The following GIT2 variants were observed in gnomAD, a reference collection of about 807,000 sequenced individuals.
GIT2 encodes ARF GTPase-activating protein GIT2.
In GIT2, 32 loss-of-function variants were observed where a neutral mutation model predicts 100.3. The observed-to-expected ratio is 0.32, with a 90% CI of 0.24 to 0.43. GIT2 has a LOEUF of 0.43. Among genes scored for constraint, GIT2 ranks in the 20% least tolerant of loss-of-function variants. The pLI, the probability that GIT2 is intolerant of heterozygous loss-of-function variation, is 1.00. For missense variants in GIT2, 737 were observed against 975.1 expected (o/e 0.76, Z 3.25); for synonymous variants, 353 against 364.1 (o/e 0.97, Z 0.35).
intron 9 of GIT2, among the ~76,000 whole-genome samples, chr12:109,964,550 T>C (rs1293915065): frequency 6.6e-6 from 1 of 151,024 alleles, no homozygotes; most frequent in Non-Finnish European, 1.5e-5. Flanking sequence ...GCAAACGCTG[T>C]AGGCAAAGCA....
intron 13 of GIT2, 150 bp downstream of exon 13, chr12:109,952,942 A>G: frequency 1.5e-6 from 1 of 680,484 alleles, no homozygotes; most frequent in Non-Finnish European, 2.5e-6. Flanking sequence ...ATGCAGGGAC[A>G]AGGATCCCTA....
rs1887903776 is a variant in GIT2, at chr12:109,988,987, A to G, written c.381T>C (p.Ser127=). The G allele has an allele frequency of 1.2e-6, 2 of 1,607,402 alleles. No homozygotes were observed. The highest frequency in any genetic ancestry group is 1.7e-6 in the Non-Finnish European group (2 of 1,173,966). Residue 127 remains serine, a synonymous_variant, in exon 4 of 20, where the codon AGT becomes AGC. Coordinates refer to ENST00000355312, the MANE Select transcript of GIT2 (RefSeq NM_057169.5). ...CCTTGCTAAGATCTTTGGCAGTCAC[A>G]CTATCGTCATCCCGGCAGGGCAAGC... is the stretch of plus-strand genomic sequence containing the variant. The part of the protein sequence containing the change: ...VHRLPCRDDD[S]VTAKDLSKQL...
chr12:109,966,028 C>A (rs910766122), intron 8 of GIT2, among the ~76,000 whole-genome samples: 2 of 141,826 alleles, frequency 1.4e-5, no homozygotes, highest in Non-Finnish European at 3.0e-5. Context: ...TGGAGTCTCA[C>A]TCTGTCACCC....
intron 2 of GIT2, among the ~76,000 whole-genome samples, chr12:109,991,309 CAA>C (rs748628189): frequency 3.9e-5 from 3 of 76,546 alleles, no homozygotes; most frequent in Non-Finnish European, 2.8e-5. Flanking sequence ...GAGTCCGTCT[CAA>C]AAAAAAAAAA....
intron 16 of GIT2, 103 bp from the exon 17 acceptor site, chr12:109,939,350 C>CA (rs1378353551): frequency 2.8e-6 from 2 of 720,636 alleles, no homozygotes; most frequent in Non-Finnish European, 5.1e-6. Flanking sequence ...CTTCACATCC[C>CA]AAATCTCATT....
At chr12:109,969,144 C>G (rs979854034) in intron 7 of GIT2, among the ~76,000 whole-genome samples, 1 of 144,708 alleles carries the variant, frequency 6.9e-6, no homozygotes, top group Non-Finnish European at 1.5e-5. Flanking sequence ...AACTAGTTTT[C>G]TCAGAACAAA....
intron 15 of GIT2, among the ~76,000 whole-genome samples, chr12:109,945,880 A>G (rs1185590066): frequency 6.6e-6 from 1 of 152,164 alleles, no homozygotes; most frequent in Admixed American, 6.5e-5. Context: ...CACACCTGTA[A>G]TCCTAGCACT....
Position 109,981,042 on chromosome 12 carries a change from C to T in GIT2, c.628G>A (p.Gly210Arg). The part of the protein sequence containing the change: ...GKTPVDYARQ[G>R]GHHELAERLV... Reference sequence around the variant, plus strand: ...CGCTCTGCCAGCTCATGGTGCCCTCCTTGCCTACCAAGAGAAAACAAAGTA... The same window carrying T: ...CGCTCTGCCAGCTCATGGTGCCCTCTTTGCCTACCAAGAGAAAACAAAGTA... Residue 210 changes from glycine to arginine, a missense_variant, in exon 7 of 20, where the codon GGA becomes AGA. By Grantham distance (125) the Gly-to-Arg change is moderately radical. Around this residue, in one of 3 missense-constraint regions of GIT2, gnomAD observed 266 missense variants for 376.2 expected, o/e 0.71. Coordinates refer to ENST00000355312, the MANE Select transcript of GIT2 (RefSeq NM_057169.5). 1 of 1,604,090 alleles carries T rather than the reference C, an allele frequency of 6.2e-7. No individual in the cohort carries two copies. The highest frequency in any genetic ancestry group is 8.5e-7 in the Non-Finnish European group (1 of 1,170,822).
At chr12:109,971,816 A>G (rs1883940174) in intron 7 of GIT2, among the ~76,000 whole-genome samples, 1 of 151,668 alleles carries the variant, frequency 6.6e-6, no homozygotes, top group Non-Finnish European at 1.5e-5. Context: ...AACATGGCGA[A>G]ACCCTGTCTC....
chr12:109,993,662 A>G (rs1301568803), intron 1 of GIT2, among the ~76,000 whole-genome samples: 1 of 152,208 alleles, frequency 6.6e-6, no homozygotes, highest in Non-Finnish European at 1.5e-5. Context: ...GTTAGTTGTT[A>G]TATCTTTTCT....
chr12:109,996,875 G>C (rs1266792321), upstream of GIT2, among the ~76,000 whole-genome samples: 1 of 151,812 alleles, frequency 6.6e-6, no homozygotes, highest in African/African-American at 2.4e-5. Context: ...GCAGGAGTTC[G>C]AGACCAGCCT....
intron 6 of GIT2, 84 bp from the exon 7 acceptor site, chr12:109,981,130 C>A: frequency 1.1e-6 from 1 of 873,848 alleles, no homozygotes. Context: ...TCCTGAGACA[C>A]CTGAGCAGTT....
chr12:109,966,841 G>T (rs966921360), intron 8 of GIT2, among the ~76,000 whole-genome samples: 1 of 152,154 alleles, frequency 6.6e-6, no homozygotes, highest in African/African-American at 2.4e-5. Flanking sequence ...ATAGACCAGG[G>T]GTCAGAAAAA....
At chr12:109,950,173 A>G (rs1877436193) in intron 14 of GIT2, among the ~76,000 whole-genome samples, 1 of 152,270 alleles carries the variant, frequency 6.6e-6, no homozygotes, top group Non-Finnish European at 1.5e-5. Context: ...TTCCTTCCCT[A>G]GTAAACAGAG....
chr12:109,996,116 G>A (rs1372737575), intron 1 of GIT2, 57 bp downstream of exon 1: 4 of 1,162,330 alleles, frequency 3.4e-6, no homozygotes, highest in East Asian at 3.0e-5. Flanking sequence ...GGCGGCCCCG[G>A]GGTAGGGGTC....
At chr12:109,969,124 TCACTTTCTTAACTAGTTTTCTCAGAAC>T (rs1379405317) in intron 7 of GIT2, among the ~76,000 whole-genome samples, 7 of 152,200 alleles carry the variant, frequency 4.6e-5, no homozygotes, top group African/African-American at 1.4e-4. Flanking sequence ...GCTGGTCTTT[TCACTTTCTTAACTAGTTTTCTCAGAAC>T]AAAACTTTTC....
upstream of GIT2, chr12:109,999,421 T>C (rs923618230): frequency 1.5e-5 from 3 of 197,890 alleles, no homozygotes; most frequent in African/African-American, 7.0e-5. The surrounding 1 kb of genome is among the most constrained non-coding windows in gnomAD (Gnocchi z 4.3). Context: ...TTGGGGCAGT[T>C]AGGTCCGCAG....
Position 109,996,310 on chromosome 12 carries a change from C to G in GIT2, c.-86G>C. On this transcript the variant is annotated 5_prime_UTR_variant, in exon 1 of 20. Transcript: ENST00000355312. ...GGCGGCGCTTCCGCTCTAACGGGTC[C>G]CAGCTGCGGCGGCGCTGACGGCGGC... 1 of 920,364 alleles carries G rather than the reference C, an allele frequency of 1.1e-6. No individual in the cohort carries two copies. Among genetic ancestry groups the G allele is most frequent in the Non-Finnish European group, 1.6e-6 (1 of 619,320 alleles). The allele number at this position is 920,364 out of a possible 1,614,324, so 57.0% of individuals were successfully genotyped here.
At chr12:109,964,917 C>T (rs2136447352) in intron 9 of GIT2, among the ~76,000 whole-genome samples, 1 of 152,210 alleles carries the variant, frequency 6.6e-6, no homozygotes, top group East Asian at 1.9e-4. Context: ...GCCTTGGGCC[C>T]TTAGGCCTTT....
Sources: allele counts gnomAD v4.1 joint callset (sites outside exome capture counted in the v4.1 genomes callset), GRCh38; gene constraint gnomAD v4.1.1; regional missense constraint gnomAD v4.1.1; non-coding constraint Gnocchi (gnomAD v3.1); transcripts MANE v1.5; gene names NCBI Gene and HGNC (gene_info 2026-07-23, HGNC 2026-07-21).